The following ZNF333 variants were observed in gnomAD, a reference collection of about 807,000 sequenced individuals.
ZNF333 encodes the protein zinc finger protein 333.
Under a neutral mutation model 76.1 loss-of-function variants are expected in ZNF333, and 61 were observed. The observed-to-expected ratio is 0.80, with a 90% CI of 0.65 to 0.99. The LOEUF is 0.99. ZNF333 is among the 50% of genes least tolerant of loss of function. The pLI, the probability that ZNF333 is intolerant of heterozygous loss-of-function variation, is 0.00. For synonymous variants in ZNF333, 284 were observed against 305.0 expected, an observed-to-expected ratio of 0.93 and a Z score of 0.72; for missense variants, 717 against 822.4, an observed-to-expected ratio of 0.87 and a Z score of 1.57.
chr19:14,697,463 G>A (rs1278961768), intron 4 of ZNF333, among the ~76,000 whole-genome samples: 2 of 147,674 alleles, frequency 1.4e-5, no homozygotes, highest in Non-Finnish European at 3.0e-5. Flanking sequence ...TTGGGCTCAA[G>A]CAATCCTCCC....
chr19:14,723,803 C>T (rs1027057150), downstream of ZNF333, among the ~76,000 whole-genome samples: 5 of 152,260 alleles, frequency 3.3e-5, no homozygotes, highest in African/African-American at 1.2e-4. Flanking sequence ...GAATTATCAA[C>T]AGTAAAGATC....
chr19:14,715,219 A>C, intron 7 of ZNF333, 163 bp from the exon 8 acceptor site: 1 of 604,696 alleles, frequency 1.7e-6, no homozygotes. Context: ...ATGCGTGTGC[A>C]AGAGCTTGCA....
intron 7 of ZNF333, chr19:14,715,179 CTG>C (rs1292873053): frequency 4.2e-5 from 23 of 549,500 alleles, no homozygotes; most frequent in African/African-American, 2.3e-4. Context: ...GTGTGCATGT[CTG>C]TGTACGTGTG....
downstream of ZNF333, among the ~76,000 whole-genome samples, chr19:14,722,214 A>G (rs1026048973): frequency 3.9e-5 from 6 of 152,254 alleles, no homozygotes; most frequent in East Asian, 1.9e-4. Context: ...GACTTCTTCT[A>G]TCCCTCTATG....
rs947698740 is a variant in ZNF333 at position 14,705,133 on chromosome 19, C to A, written c.386C>A (p.Pro129Gln). 2.5e-6 allele frequency: 4 copies of A among 1,613,744 alleles called. No homozygotes were observed. The highest frequency in any genetic ancestry group is 3.4e-6 in the Non-Finnish European group (4 of 1,179,968). The change falls in exon 6 of 12, where the codon CCA becomes CAA. Residue 129 changes from proline (P) to glutamine (Q), a missense_variant. Transcript: ENST00000292530. ...RETPLTREDRPALQEPPWSLG... is the reference protein window; with the variant it reads ...RETPLTREDRQALQEPPWSLG... The stretch of plus-strand genomic sequence containing the variant: ...ACACCATTGACTCGAGAGGACCGGC[C>A]AGCTCTCCAGGAGCCGCCTTGGTCT...
At chr19:14,699,970 C>T (rs1973560433) in intron 5 of ZNF333, among the ~76,000 whole-genome samples, 1 of 151,974 alleles carries the variant, frequency 6.6e-6, no homozygotes, top group Admixed American at 6.6e-5. Flanking sequence ...TGGGCACTGG[C>T]ACAGATATTG....
rs200350901 is a variant in ZNF333, at chr19:14,715,269, ATGTG to A, written c.512-105_512-102del. 1,001 of 807,388 alleles carry A rather than the reference ATGTG, an allele frequency of 1.2e-3. 7 individuals carry two copies. The African/African-American group carries it at 0.014, about 12-fold the overall frequency. The allele number at this position is 807,388 out of a possible 1,614,324, so 50.0% of individuals were successfully genotyped here. A position where few individuals can be genotyped will look rare whatever the true frequency, so the allele number is the denominator to read the frequency against. On this transcript the variant is annotated intron_variant, in intron 7 of 11. Coordinates refer to ENST00000292530, the MANE Select transcript of ZNF333 (RefSeq NM_032433.4). The stretch of plus-strand genomic sequence containing the variant: ...TGTGTGTGTCCCTGTGAGTGTGTGC[ATGTG>A]TGTGTGTACACATGTGATCACTCAC...
intron 9 of ZNF333, 108 bp from the exon 10 acceptor site, chr19:14,716,886 C>T (rs2042446621): frequency 1.1e-6 from 1 of 931,192 alleles, no homozygotes; most frequent in Middle Eastern, 2.3e-4. Flanking sequence ...TAGGCACATG[C>T]ATTTTGCCAC....
intron 4 of ZNF333, among the ~76,000 whole-genome samples, chr19:14,698,668 T>C (rs1973410319): frequency 6.6e-6 from 1 of 151,444 alleles, no homozygotes; most frequent in Non-Finnish European, 1.5e-5. Context: ...TGAAATCCTG[T>C]CTCTACTAAA....
intron 6 of ZNF333, 151 bp downstream of exon 6, chr19:14,705,321 G>C: frequency 1.5e-6 from 1 of 658,756 alleles, no homozygotes; most frequent in Non-Finnish European, 2.5e-6. Flanking sequence ...GGTGGAGTCT[G>C]TTTCTGTGTT....
At chr19:14,711,266 G>T (rs546340771) in intron 7 of ZNF333, among the ~76,000 whole-genome samples, 5 of 152,150 alleles carry the variant, frequency 3.3e-5, no homozygotes, top group South Asian at 2.1e-4. Flanking sequence ...TACCAGTTAG[G>T]GGGGCGGGAA....
intron 5 of ZNF333, chr19:14,701,516 T>G (rs1220722024): frequency 3.2e-6 from 3 of 934,618 alleles, no homozygotes; most frequent in Non-Finnish European, 3.8e-6. Context: ...AAGGAAGGAA[T>G]GGATAAGGTG....
intron 7 of ZNF333, among the ~76,000 whole-genome samples, chr19:14,711,458 C>T (rs1277022908): frequency 3.9e-5 from 6 of 152,024 alleles, no homozygotes; most frequent in African/African-American, 1.4e-4. Context: ...CTTCTTGAGG[C>T]CAGGAGTTGG....
chr19:14,705,980 C>T (rs2042098503), intron 6 of ZNF333: 5 of 403,432 alleles, frequency 1.2e-5, no homozygotes, highest in South Asian at 9.1e-5. Context: ...CCTCTTCCCA[C>T]TCGTCCCTGC....
At position 14,720,648 on chromosome 19, in the gene ZNF333, A is replaced by G; in HGVS notation, c.*1323A>G. On this transcript the variant is annotated 3_prime_UTR_variant, in exon 12 of 12. Coordinates refer to ENST00000292530, the MANE Select transcript of ZNF333 (RefSeq NM_032433.4). ...TGGGAGGTTTATTTCACCTGAATATAATTCCTAACTGATGCACTTAGTATA... is the reference window on the plus strand; with the variant it reads ...TGGGAGGTTTATTTCACCTGAATATGATTCCTAACTGATGCACTTAGTATA... 1.0e-6 allele frequency: 1 copy of G among 985,428 alleles called. No homozygotes were observed. The highest frequency in any genetic ancestry group is 4.7e-5 in the South Asian group (1 of 21,284). 61.0% of individuals were successfully genotyped at this position (985,428 alleles called of 1,614,324 possible).
downstream of ZNF333, among the ~76,000 whole-genome samples, chr19:14,723,022 G>T (rs1371479901): frequency 6.6e-6 from 1 of 152,158 alleles, no homozygotes; most frequent in Non-Finnish European, 1.5e-5. Flanking sequence ...TCCTGACCTT[G>T]TGATCTGCCT....
intron 7 of ZNF333, 115 bp downstream of exon 7, chr19:14,706,888 GCACC>G: frequency 2.4e-6 from 2 of 826,858 alleles, no homozygotes; most frequent in Admixed American, 2.8e-5. Flanking sequence ...CACTGCCGTG[GCACC>G]ATAGAGAGGA....
intron 5 of ZNF333, chr19:14,701,490 C>T (rs2041957214): frequency 1.3e-6 from 1 of 760,590 alleles, no homozygotes; most frequent in South Asian, 6.0e-5. Flanking sequence ...ATGTAGCCCC[C>T]AGTGCTTGTT....
chr19:14,722,821 T>C (rs2042605748), downstream of ZNF333, among the ~76,000 whole-genome samples: 1 of 152,230 alleles, frequency 6.6e-6, no homozygotes, highest in South Asian at 2.1e-4. Flanking sequence ...AGTCTTGCTG[T>C]GTTGCCCAGG....
Sources: gnomAD v4.1 joint callset for allele counts (sites outside exome capture counted in the v4.1 genomes callset) on GRCh38, gnomAD v4.1.1 for gene constraint, MANE v1.5 for transcripts, NCBI Gene and HGNC (gene_info 2026-07-23, HGNC 2026-07-21) for gene names.